PALS2: variants seen among roughly 807,000 people sequenced by gnomAD.
PALS2 encodes protein PALS2.
Under a neutral mutation model 61.6 loss-of-function variants are expected in PALS2, and 27 were observed. The ratio of observed to expected loss-of-function variants is 0.44; its 90% CI spans 0.32 to 0.60. The LOEUF is 0.60. Among genes scored for constraint, PALS2 ranks in the 20% least tolerant of loss-of-function variants. PALS2 has a pLI of 0.05. For missense variants in PALS2, 554 were observed against 639.4 expected (o/e 0.87, Z 1.44); for synonymous variants, 236 against 218.6 (o/e 1.08, Z -0.70).
At chr7:24,634,193 T>C (rs1186331078) in intron 2 of PALS2, among the ~76,000 whole-genome samples, 1 of 152,220 alleles carries the variant, frequency 6.6e-6, no homozygotes, top group Non-Finnish European at 1.5e-5. Context: ...ACTTTCTTCT[T>C]AGTGCCTTTT....
Position 24,663,386 on chromosome 7 carries a change from G to C in PALS2, c.652-204G>C, listed in dbSNP as rs879114823. 39 of 395,770 alleles carry C rather than the reference G, an allele frequency of 9.9e-5. No individual in the cohort carries two copies. The South Asian group carries it at 2.3e-3, about 24-fold the overall frequency. 24.5% of individuals were successfully genotyped at this position (395,770 alleles called of 1,614,324 possible). ...TGATTTAAAGTTAGATATTAAAGTAGAGAAGAAGTTTTATTATCTTTCTGA... is the reference window on the plus strand; with the variant it reads ...TGATTTAAAGTTAGATATTAAAGTACAGAAGAAGTTTTATTATCTTTCTGA... On this transcript the variant is annotated intron_variant, in intron 5 of 11. Coordinates refer to ENST00000222644, the MANE Select transcript of PALS2 (RefSeq NM_001303037.2).
intron 9 of PALS2, among the ~76,000 whole-genome samples, chr7:24,673,626 G>T (rs563159627): frequency 4.6e-5 from 7 of 151,744 alleles, no homozygotes; most frequent in Non-Finnish European, 1.0e-4. Flanking sequence ...ATTTCTGCAG[G>T]GTTCATAGTA....
At chr7:24,660,149 T>C (rs1786641239) in intron 5 of PALS2, among the ~76,000 whole-genome samples, 1 of 152,262 alleles carries the variant, frequency 6.6e-6, no homozygotes, top group Non-Finnish European at 1.5e-5. Context: ...AGTTGTTTCA[T>C]GTTGGAGGGT....
At position 24,640,784 on chromosome 7, in the gene PALS2, G is replaced by A. The variant is rs562430526; in HGVS notation, c.118-932G>A. On this transcript the variant is annotated intron_variant, in intron 2 of 11. Coordinates refer to ENST00000222644, the MANE Select transcript of PALS2 (RefSeq NM_001303037.2). ...AGCACTTTGGGAGGCCGAGGCGGGT[G>A]GATCACGAGGTCAGGAGATCAAGAC... 8.4e-4 allele frequency among the ~76,000 whole-genome samples: 127 copies of A among 152,006 alleles called. 1 individual carries two copies. The highest frequency in any genetic ancestry group is 3.7e-3 in the East Asian group (19 of 5,146).
chr7:24,584,806 T>G (rs1782994340), intron 1 of PALS2, among the ~76,000 whole-genome samples: 1 of 151,808 alleles, frequency 6.6e-6, no homozygotes, highest in African/African-American at 2.4e-5. Context: ...GTCTAACGTT[T>G]AAGTCTTTAA....
intron 1 of PALS2, chr7:24,597,337 A>G (rs1171175599): frequency 6.6e-6 from 1 of 152,210 alleles, no homozygotes; most frequent in Non-Finnish European, 1.5e-5. Context: ...GAATGAAGAC[A>G]GTATGTGACT....
chr7:24,611,422 A>G (rs1415066805), intron 1 of PALS2, among the ~76,000 whole-genome samples: 1 of 151,988 alleles, frequency 6.6e-6, no homozygotes, highest in South Asian at 2.1e-4. Context: ...ATAAATAGTA[A>G]TATGTACATT....
chr7:24,667,740 C>T (rs1174042911), intron 8 of PALS2, among the ~76,000 whole-genome samples: 1 of 135,622 alleles, frequency 7.4e-6, no homozygotes, highest in African/African-American at 2.7e-5. Context: ...TCTCGTCTTA[C>T]TGCAGTCTCT....
intron 1 of PALS2, among the ~76,000 whole-genome samples, chr7:24,620,649 A>G (rs867384925): frequency 3.9e-5 from 6 of 152,186 alleles, no homozygotes; most frequent in African/African-American, 1.2e-4. Flanking sequence ...CTTCAGTACA[A>G]CTGGCGTTAT....
In PALS2 at chr7:24,596,398, A is replaced by T. The variant is rs1309392112; in HGVS notation, c.-3+22805A>T. Among the ~76,000 whole-genome samples the T allele has an allele frequency of 6.6e-6, 1 of 152,138 alleles. No homozygotes were observed. The highest frequency in any genetic ancestry group is 2.4e-5 in the African/African-American group (1 of 41,430). ...ATTTTTGTAAGTATATATATAAAGT[A>T]TTATTTTGAAAACAGACCCTATCAA... is the stretch of plus-strand genomic sequence containing the variant. On this transcript the variant is annotated intron_variant, in intron 1 of 11. Transcript: ENST00000222644. This position sits in a 1 kb window ranked among gnomAD's most constrained non-coding sequence, Gnocchi z 4.5.
chr7:24,578,962 A>C (rs1164665413), intron 1 of PALS2, among the ~76,000 whole-genome samples: 1 of 152,230 alleles, frequency 6.6e-6, no homozygotes, highest in Non-Finnish European at 1.5e-5. Context: ...GAGGAAGATA[A>C]AATATATACA....
intron 9 of PALS2, 140 bp downstream of exon 9, chr7:24,668,800 A>T: frequency 9.6e-7 from 1 of 1,044,630 alleles, no homozygotes. Context: ...CAAGTAAAAG[A>T]CATTGAAAAA....
intron 5 of PALS2, 158 bp from the exon 6 acceptor site, chr7:24,663,432 C>A: frequency 3.2e-6 from 2 of 624,824 alleles, no homozygotes; most frequent in Non-Finnish European, 4.8e-6. Flanking sequence ...TGTTAATATT[C>A]TAATAACTTG....
intron 1 of PALS2, among the ~76,000 whole-genome samples, chr7:24,601,667 T>C (rs539892947): frequency 5.3e-4 from 81 of 152,254 alleles, no homozygotes; most frequent in Middle Eastern, 3.4e-3. Context: ...GTGTTTGTGG[T>C]AGGTTAATTT....
chr7:24,639,814 AT>A (rs61073575), intron 2 of PALS2, among the ~76,000 whole-genome samples: 9,646 of 96,442 alleles, frequency 0.1, 124 homozygotes, highest in African/African-American at 0.17. Flanking sequence ...TTCTAGTCTA[AT>A]TTTTTTTTTT....
Position 24,618,769 on chromosome 7 carries a change from C to T in PALS2, c.-2-4897C>T, listed in dbSNP as rs1181401960. On this transcript the variant is annotated intron_variant, in intron 1 of 11. Transcript: ENST00000222644. This position sits in a 1 kb window ranked among gnomAD's most constrained non-coding sequence, Gnocchi z 5.1. ...ATGGGATGGCAGAGGCAGGATGCCT[C>T]CACGCTGGCCTTGTGGGCTCCCAGT... Among the ~76,000 whole-genome samples the T allele has an allele frequency of 1.1e-4, 17 of 152,236 alleles. No homozygotes were observed. Among genetic ancestry groups the T allele is most frequent in the Non-Finnish European group, 2.5e-4 (17 of 68,042 alleles).
At chr7:24,626,303 A>T (rs1784740129) in intron 2 of PALS2, among the ~76,000 whole-genome samples, 1 of 152,154 alleles carries the variant, frequency 6.6e-6, no homozygotes, top group African/African-American at 2.4e-5. Context: ...AAACTAATAG[A>T]GAAGAAAGAA....
chr7:24,662,947 A>G (rs760414193), intron 5 of PALS2, among the ~76,000 whole-genome samples: 25 of 152,330 alleles, frequency 1.6e-4, no homozygotes, highest in Middle Eastern at 3.4e-3. Context: ...TTTTATTAAT[A>G]ATGCAAATGT....
chr7:24,624,998 C>A (rs1176773342), intron 2 of PALS2, among the ~76,000 whole-genome samples: 1 of 152,062 alleles, frequency 6.6e-6, no homozygotes, highest in Non-Finnish European at 1.5e-5. Context: ...GCAGATCATC[C>A]AACTGGAATT....
Sources: allele counts gnomAD v4.1 joint callset (sites outside exome capture counted in the v4.1 genomes callset), GRCh38; gene constraint gnomAD v4.1.1; non-coding constraint Gnocchi (gnomAD v3.1); transcripts MANE v1.5; gene names NCBI Gene and HGNC (gene_info 2026-07-23, HGNC 2026-07-21).